The following PLCB4 variants were observed in gnomAD, a reference collection of about 807,000 sequenced individuals.
The protein encoded by PLCB4 is 1-phosphatidylinositol 4,5-bisphosphate phosphodiesterase beta-4.
Under a neutral mutation model 178.8 loss-of-function variants are expected in PLCB4, and 77 were observed. The ratio of observed to expected loss-of-function variants is 0.43; its 90% CI spans 0.36 to 0.52. PLCB4 has a LOEUF of 0.52. Among genes scored for constraint, PLCB4 ranks in the 20% least tolerant of loss-of-function variants. The pLI is 0.00. For missense variants in PLCB4, 1,024 were observed against 1,453.4 expected (o/e 0.70, Z 4.80); for synonymous variants, 496 against 490.8 (o/e 1.01, Z -0.14).
intron 2 of PLCB4, among the ~76,000 whole-genome samples, chr20:9,143,262 G>A (rs951683829): frequency 9.2e-5 from 14 of 152,132 alleles, no homozygotes. Flanking sequence ...CATGACAGCA[G>A]AGATTTCTGT....
At chr20:9,443,395 T>G (rs2042224335) in intron 30 of PLCB4, among the ~76,000 whole-genome samples, 1 of 152,218 alleles carries the variant, frequency 6.6e-6, no homozygotes, top group Non-Finnish European at 1.5e-5. Flanking sequence ...CAGCTCCCCT[T>G]TATGGGTTCA....
In PLCB4 at chr20:9,070,037, TC is replaced by T. The variant is rs754774827; in HGVS notation, c.-135+833del. 7.9e-4 allele frequency among the ~76,000 whole-genome samples: 121 copies of T among 152,316 alleles called. 2 individuals are homozygous for T. The highest frequency in any genetic ancestry group is 2.0e-4 in the Admixed American group (3 of 15,306). ...AATATTCAGGAAAGGTGTTTTTTTT[TC>T]CATATACGTAATACTTAGTGGTCTA... is the stretch of plus-strand genomic sequence containing the variant. On this transcript the variant is annotated intron_variant, in intron 1 of 39. Transcript: ENST00000378473.
Position 9,307,859 on chromosome 20 carries a change from C to G in PLCB4, c.45C>G (p.Ser15=), listed in dbSNP as rs760428248. The change falls in exon 4 of 40, where the codon TCC becomes TCG. Residue 15 remains serine, a synonymous_variant. Transcript: ENST00000378473. ...YEFNWQKEVP[S]FLQEGAVFDR... is the part of the protein sequence containing the mutation. ...TTAACTGGCAGAAGGAAGTTCCCTC[C>G]TTTTTGCAAGAAGGAGCAGTTTTTG... is the stretch of plus-strand genomic sequence containing the variant. The G allele has an allele frequency of 6.3e-6, 10 of 1,599,036 alleles. No individual in the cohort carries two copies. The highest frequency in any genetic ancestry group is 8.6e-6 in the Non-Finnish European group (10 of 1,167,864).
At chr20:9,272,351 A>G (rs936430177) in intron 3 of PLCB4, among the ~76,000 whole-genome samples, 1 of 152,116 alleles carries the variant, frequency 6.6e-6, no homozygotes, top group Admixed American at 6.6e-5. Context: ...CTAAAACATT[A>G]CATGTGCTTT....
At chr20:9,124,228 G>C (rs1309187600) in intron 2 of PLCB4, among the ~76,000 whole-genome samples, 1 of 152,076 alleles carries the variant, frequency 6.6e-6, no homozygotes. Context: ...AATCTCAACC[G>C]GGTGAGACAG....
chr20:9,161,871 C>T (rs185091562), intron 2 of PLCB4, among the ~76,000 whole-genome samples: 253 of 152,072 alleles, frequency 1.7e-3, no homozygotes, highest in Non-Finnish European at 1.7e-3. Flanking sequence ...TTCTGTGATA[C>T]GAAAAGATAA....
intron 2 of PLCB4, among the ~76,000 whole-genome samples, chr20:9,100,923 G>A (rs1333286897): frequency 2.0e-5 from 3 of 152,062 alleles, no homozygotes; most frequent in African/African-American, 4.8e-5. Context: ...AGAATGCTAC[G>A]GTGTGTCGCC....
At chr20:9,313,403 T>A (rs1351455999) in intron 4 of PLCB4, among the ~76,000 whole-genome samples, 2 of 152,186 alleles carry the variant, frequency 1.3e-5, no homozygotes, top group Non-Finnish European at 2.9e-5. Flanking sequence ...AGAGGCTTTA[T>A]ACTCTCAGCA....
intron 29 of PLCB4, among the ~76,000 whole-genome samples, chr20:9,436,485 G>A (rs540318445): frequency 6.6e-6 from 1 of 152,260 alleles, no homozygotes; most frequent in Admixed American, 6.5e-5. Context: ...CTCAGCAGTT[G>A]GGACTACAGA....
At chr20:9,170,035 A>G (rs1298126117) in intron 2 of PLCB4, among the ~76,000 whole-genome samples, 1 of 152,310 alleles carries the variant, frequency 6.6e-6, no homozygotes, top group South Asian at 2.1e-4. Context: ...TTACTTGTAC[A>G]TAGCTTGAAC....
At chr20:9,131,251 C>G (rs2092265411) in intron 2 of PLCB4, among the ~76,000 whole-genome samples, 2 of 152,094 alleles carry the variant, frequency 1.3e-5, no homozygotes, top group South Asian at 2.1e-4. Flanking sequence ...TCTCTTCCCT[C>G]TTTCTCTCCC....
chr20:9,171,826 G>A (rs2093068450), intron 2 of PLCB4, among the ~76,000 whole-genome samples: 1 of 152,044 alleles, frequency 6.6e-6, no homozygotes, highest in Admixed American at 6.6e-5. Context: ...GGGAAATAAT[G>A]ACTATTTCCC....
At chr20:9,287,422 T>C (rs2094545271) in intron 3 of PLCB4, among the ~76,000 whole-genome samples, 1 of 152,078 alleles carries the variant, frequency 6.6e-6, no homozygotes, top group South Asian at 2.1e-4. Context: ...TCTGATTCTT[T>C]TGTGAAATGA....
chr20:9,296,648 C>T (rs1305621570), intron 3 of PLCB4, among the ~76,000 whole-genome samples: 1 of 152,072 alleles, frequency 6.6e-6, no homozygotes, highest in African/African-American at 2.4e-5. Flanking sequence ...GAAAATGTGG[C>T]ACATATACAC....
chr20:9,208,840 C>G (rs1030164579), intron 2 of PLCB4, among the ~76,000 whole-genome samples: 2 of 152,214 alleles, frequency 1.3e-5, no homozygotes, highest in African/African-American at 4.8e-5. Context: ...CACACTTGAC[C>G]TGCTTTTACT....
intron 2 of PLCB4, among the ~76,000 whole-genome samples, chr20:9,215,047 A>C (rs2093714389): frequency 6.6e-6 from 1 of 152,260 alleles, no homozygotes; most frequent in African/African-American, 2.4e-5. Context: ...ATCATTAATC[A>C]ATGAGCTTTT....
chr20:9,160,018 A>G (rs1423859453), intron 2 of PLCB4, among the ~76,000 whole-genome samples: 1 of 152,176 alleles, frequency 6.6e-6, no homozygotes, highest in Non-Finnish European at 1.5e-5. Flanking sequence ...GACAAGCTGA[A>G]CGTCCCTCCA....
intron 3 of PLCB4, among the ~76,000 whole-genome samples, chr20:9,293,489 G>A (rs2094601049): frequency 2.0e-5 from 3 of 150,404 alleles, no homozygotes; most frequent in Non-Finnish European, 4.4e-5. Context: ...AAGAGGACGA[G>A]AGGAAGGAAG....
At chr20:9,144,747 AGGGGAAG>A (rs2092565106) in intron 2 of PLCB4, among the ~76,000 whole-genome samples, 1 of 68,058 alleles carries the variant, frequency 1.5e-5, no homozygotes, top group Non-Finnish European at 2.6e-5. Flanking sequence ...GAGGGGAAGG[AGGGGAAG>A]GAGGGGAAGG....
Sources: allele counts gnomAD v4.1 joint callset (sites outside exome capture counted in the v4.1 genomes callset), GRCh38; gene constraint gnomAD v4.1.1; transcripts MANE v1.5; gene names NCBI Gene and HGNC (gene_info 2026-07-23, HGNC 2026-07-21).